SNF8: variants seen among roughly 807,000 people sequenced by gnomAD.
SNF8 encodes the protein vacuolar-sorting protein SNF8.
SNF8 carries 19 observed loss-of-function variants against 36.8 expected under a neutral mutation model. The ratio of observed to expected loss-of-function variants is 0.52; its 90% CI spans 0.36 to 0.76. The LOEUF (loss-of-function observed/expected upper bound fraction) is 0.76. SNF8 is among the 30% of genes least tolerant of loss of function. SNF8 has a pLI of 0.00. For missense variants in SNF8, 268 were observed against 322.9 expected, an observed-to-expected ratio of 0.83 and a Z score of 1.30; for synonymous variants, 127 against 127.4, an observed-to-expected ratio of 1.00 and a Z score of 0.02.
Position 48,933,268 on chromosome 17 carries a change from G to T in SNF8, c.501C>A (p.Tyr167Ter), listed in dbSNP as rs750828431. ...GFGIIPVGGT[Y>*]LIQSVPAELN... ...GCTCAGCTGGAACAGACTGAATGAG[G>T]TAAGTGCCGCCCACAGGGATGATGC... The change falls in exon 6 of 8, where the codon TAC becomes TAA. Residue 167 changes from tyrosine (Y) to a stop codon, truncating the protein, a stop_gained. Transcript: ENST00000502492. LOFTEE classifies it high-confidence loss of function. 1 of 1,614,178 alleles carries T rather than the reference G, an allele frequency of 6.2e-7. No homozygotes were observed. The highest frequency in any genetic ancestry group is 1.7e-5 in the Admixed American group (1 of 60,014).
chr17:48,938,555 A>G (rs1337625483), intron 3 of SNF8, among the ~76,000 whole-genome samples: 2 of 150,030 alleles, frequency 1.3e-5, no homozygotes, highest in Admixed American at 6.7e-5. Context: ...TAATTATATT[A>G]TAATCCCATA....
At position 48,944,760 on chromosome 17, in the gene SNF8, C is replaced by G. The variant is rs778824811; in HGVS notation, c.-26G>C. 5.0e-6 allele frequency: 8 copies of G among 1,588,630 alleles called. No individual in the cohort carries two copies. The highest frequency in any genetic ancestry group is 6.8e-6 in the Non-Finnish European group (8 of 1,171,600). ...CCCCACCCTGGGCCCGCGGGCCGCCCGGCTGCCGGGACCCCGGGTCTCCAC... is the reference window on the plus strand; with the variant it reads ...CCCCACCCTGGGCCCGCGGGCCGCCGGGCTGCCGGGACCCCGGGTCTCCAC... On this transcript the variant is annotated 5_prime_UTR_variant, in exon 1 of 8. Coordinates refer to ENST00000502492, the MANE Select transcript of SNF8 (RefSeq NM_007241.4).
At position 48,935,675 on chromosome 17, in the gene SNF8, T is replaced by C. The variant is rs549954177; in HGVS notation, c.422+495A>G. On this transcript the variant is annotated intron_variant, in intron 5 of 7. Transcript: ENST00000502492. ...CAGCCTGGGTGACAGCAAGACTCTT[T>C]CTCAAAGAAAAAAAAGACTATATAT... The C allele has an allele frequency of 9.8e-5, 15 of 152,770 alleles. No individual in the cohort carries two copies. In the South Asian group the frequency reaches 3.1e-3, roughly 31 times the overall value. 9.5% of individuals were successfully genotyped at this position (152,770 alleles called of 1,614,324 possible).
chr17:48,932,635 C>G (rs1259743952), intron 6 of SNF8: 1 of 152,350 alleles, frequency 6.6e-6, no homozygotes, highest in Non-Finnish European at 1.5e-5. Flanking sequence ...CACCTGTAAT[C>G]CCAGCTACTC....
chr17:48,932,499 C>G (rs1218367750), intron 6 of SNF8: 1 of 152,206 alleles, frequency 6.6e-6, no homozygotes, highest in Non-Finnish European at 1.5e-5. Flanking sequence ...GTAATCCCAG[C>G]ACTTAGAGAG....
intron 4 of SNF8, among the ~76,000 whole-genome samples, 153 bp from the exon 5 acceptor site, chr17:48,936,395 A>G (rs1351114909): frequency 6.6e-6 from 1 of 152,222 alleles, no homozygotes; most frequent in African/African-American, 2.4e-5. Flanking sequence ...ACTGACCATA[A>G]TATGAGAAAT....
intron 6 of SNF8, chr17:48,932,985 AG>A: frequency 2.2e-6 from 1 of 450,786 alleles, no homozygotes; most frequent in Admixed American, 3.7e-5. Flanking sequence ...CCTTGAGAGC[AG>A]GAATTTTATC....
chr17:48,933,215 T>G lies in SNF8; in HGVS notation c.554A>C (p.Gln185Pro). The G allele has an allele frequency of 1.2e-6, 2 of 1,613,530 alleles. No individual in the cohort carries two copies. Among genetic ancestry groups the G allele is most frequent in the Non-Finnish European group, 1.7e-6 (2 of 1,179,994 alleles). Residue 185 changes from glutamine (Q) to proline (P), a missense_variant, in exon 6 of 8, where the codon CAG (glutamine) becomes CCG (proline). Physicochemically the swap from Gln to Pro is moderately conservative, Grantham distance 76. Coordinates refer to ENST00000502492, the MANE Select transcript of SNF8 (RefSeq NM_007241.4). ...AAGGTGCACCAGTACCTCTGCCAGC[T>G]GCAGCACCACGGTGTGATCCATATT... The part of the protein sequence containing the change: ...ELNMDHTVVL[Q>P]LAEKNGYVTV...
intron 4 of SNF8, 60 bp downstream of exon 4, chr17:48,936,960 A>T: frequency 8.3e-7 from 1 of 1,208,970 alleles, no homozygotes; most frequent in Non-Finnish European, 1.2e-6. Context: ...ATAATCTTTT[A>T]CGGTTTTCTC....
chr17:48,936,118 G>T, intron 5 of SNF8, 52 bp downstream of exon 5: 1 of 1,337,636 alleles, frequency 7.5e-7, no homozygotes, highest in Non-Finnish European at 1.1e-6. Flanking sequence ...AGTTCCATCT[G>T]AATTTTAAAG....
Position 48,930,224 on chromosome 17 carries a change from G to A in SNF8, c.*251C>T. On this transcript the variant is annotated 3_prime_UTR_variant, in exon 8 of 8. Coordinates refer to ENST00000502492, the MANE Select transcript of SNF8 (RefSeq NM_007241.4). ...CTAGGCCCAGCTCTTCCATGAACTT[G>A]CAGATGACCTACAAAAATCATTTTA... 1 of 315,650 alleles carries A rather than the reference G, an allele frequency of 3.2e-6. No homozygotes were observed. Among genetic ancestry groups the A allele is most frequent in the Non-Finnish European group, 5.8e-6 (1 of 171,808 alleles). 19.6% of individuals were successfully genotyped at this position (315,650 alleles called of 1,614,324 possible).
chr17:48,936,321 G>A lies in SNF8; in HGVS notation c.350-79C>T, dbSNP rs147319331. 2.5e-4 allele frequency: 276 copies of A among 1,108,982 alleles called. No homozygotes were observed. In the African/African-American group the frequency reaches 3.6e-3, roughly 15 times the overall value. The allele number at this position is 1,108,982 out of a possible 1,614,324, so 68.7% of individuals were successfully genotyped here. On this transcript the variant is annotated intron_variant, in intron 4 of 7. Coordinates refer to ENST00000502492, the MANE Select transcript of SNF8 (RefSeq NM_007241.4). The stretch of plus-strand genomic sequence containing the variant: ...AGTTGACAGTCATTACAATTCCAGT[G>A]GCCTACAAGTAGCAAATAACATTCT...
In SNF8 at chr17:48,937,365, C is replaced by T. The variant is rs568119936; in HGVS notation, c.245-241G>A. 4.6e-4 allele frequency: 283 copies of T among 609,512 alleles called. 3 individuals are homozygous for T. Among genetic ancestry groups the T allele is most frequent in the South Asian group, 4.1e-3 (267 of 65,718 alleles). The allele number at this position is 609,512 out of a possible 1,614,324, so 37.8% of individuals were successfully genotyped here. ...ATTTCTGGCCGGGCGCAGTGGCTCACGCCTGTAATTCCAACACTTTGGGAC... is the reference window on the plus strand; with the variant it reads ...ATTTCTGGCCGGGCGCAGTGGCTCATGCCTGTAATTCCAACACTTTGGGAC... On this transcript the variant is annotated intron_variant, in intron 3 of 7. Transcript: ENST00000502492.
intron 5 of SNF8, among the ~76,000 whole-genome samples, chr17:48,934,183 A>G (rs2040901316): frequency 6.6e-6 from 1 of 152,230 alleles, no homozygotes; most frequent in Non-Finnish European, 1.5e-5. Flanking sequence ...AGCCAGGGAA[A>G]GGGCACTTTT....
chr17:48,937,394 G>A (rs1298240796), intron 3 of SNF8: 5 of 521,374 alleles, frequency 9.6e-6, no homozygotes, highest in East Asian at 9.1e-5. Context: ...TTGGGACATC[G>A]AGCTAGGTGG....
intron 2 of SNF8, among the ~76,000 whole-genome samples, chr17:48,943,098 T>C (rs1305070719): frequency 7.0e-6 from 1 of 142,734 alleles, no homozygotes; most frequent in Admixed American, 7.0e-5. Flanking sequence ...ACTATGGACC[T>C]CTGGTGATCA....
chr17:48,937,782 C>T (rs2040957732), intron 3 of SNF8, among the ~76,000 whole-genome samples: 1 of 151,792 alleles, frequency 6.6e-6, no homozygotes, highest in Admixed American at 6.6e-5. Context: ...AAAAATTAGC[C>T]GGGCGTGGTG....
intron 3 of SNF8, 140 bp downstream of exon 3, chr17:48,940,784 C>T (rs866070690): frequency 2.3e-5 from 23 of 997,682 alleles, no homozygotes; most frequent in African/African-American, 1.9e-4. Flanking sequence ...AGCAAAACTC[C>T]GTCTCAAAAA....
At chr17:48,936,016 T>TTTCG in intron 5 of SNF8, 154 bp downstream of exon 5, 1 of 543,682 alleles carries the variant, frequency 1.8e-6, no homozygotes, top group East Asian at 3.2e-5. Context: ...ATCTCTTATT[T>TTTCG]TTTGTTTGTT....
Sources: gnomAD v4.1 joint callset for allele counts (sites outside exome capture counted in the v4.1 genomes callset) on GRCh38, gnomAD v4.1.1 for gene constraint, MANE v1.5 for transcripts, NCBI Gene and HGNC (gene_info 2026-07-23, HGNC 2026-07-21) for gene names.